Variants in OLFML2A observed in about 807,000 individuals in gnomAD.
OLFML2A encodes the protein olfactomedin-like protein 2A.
Under a neutral mutation model 60.9 loss-of-function variants are expected in OLFML2A, and 47 were observed. The observed-to-expected ratio is 0.77, with a 90% CI of 0.61 to 0.98. The LOEUF is 0.98. Ranked by LOEUF, OLFML2A falls within the 50% of genes least tolerant of loss-of-function variation. The pLI is 0.00. For synonymous variants in OLFML2A, 372 were observed against 375.0 expected, an observed-to-expected ratio of 0.99 and a Z score of 0.09; for missense variants, 922 against 879.8, an observed-to-expected ratio of 1.05 and a Z score of -0.61.
Position 124,804,183 on chromosome 9 carries a change from C to T in OLFML2A, c.1009C>T (p.Gln337Ter). 1 of 1,614,186 alleles carries T rather than the reference C, an allele frequency of 6.2e-7. No homozygotes were observed. Residue 337 changes from glutamine (Q) to a stop codon, truncating the protein, a stop_gained, in exon 6 of 8, where the codon CAG (glutamine) becomes TAG (stop). Coordinates refer to ENST00000373580, the MANE Select transcript of OLFML2A (RefSeq NM_182487.4). LOFTEE classifies it high-confidence loss of function. ...CTCCGCAGAGCCCAACTCCGCAGAG[C>T]AGGATGAGGCTGAGCCCAGGTCCTC... Reference protein sequence around the residue: ...SNSAEPNSAEQDEAEPRSSER... With the variant: ...SNSAEPNSAE
intron 1 of OLFML2A, among the ~76,000 whole-genome samples, chr9:124,778,449 C>T (rs1841299785): frequency 6.6e-6 from 1 of 151,694 alleles, no homozygotes; most frequent in African/African-American, 2.4e-5. Context: ...TTCAGTGGCT[C>T]ACACCTGTAA....
chr9:124,804,347 G>A lies in OLFML2A; in HGVS notation c.1168+5G>A. On this transcript the variant is annotated splice_donor_5th_base_variant and intron_variant, in intron 6 of 7. Coordinates refer to ENST00000373580, the MANE Select transcript of OLFML2A (RefSeq NM_182487.4). ...GTCCAGAAGTCTCCAGCCAAGGTGA[G>A]TGAGCCTCACAGGAGTCAGCACACT... is the stretch of plus-strand genomic sequence containing the variant. 6.5e-7 allele frequency: 1 copy of A among 1,539,480 alleles called. No individual in the cohort carries two copies. Among genetic ancestry groups the A allele is most frequent in the Non-Finnish European group, 8.8e-7 (1 of 1,142,100 alleles).
At chr9:124,787,652 G>A (rs948308485) in intron 2 of OLFML2A, among the ~76,000 whole-genome samples, 13 of 151,498 alleles carry the variant, frequency 8.6e-5, no homozygotes, top group Admixed American at 1.3e-4. Context: ...CTCCGTCCCC[G>A]GGTTCAAGCG....
At chr9:124,783,598 G>A (rs1841402087) in intron 1 of OLFML2A, among the ~76,000 whole-genome samples, 1 of 152,214 alleles carries the variant, frequency 6.6e-6, no homozygotes, top group Non-Finnish European at 1.5e-5. Flanking sequence ...CCATGTTACA[G>A]ATGAAACAGA....
At chr9:124,793,120 G>T (rs547254955) in intron 2 of OLFML2A, among the ~76,000 whole-genome samples, 20 of 152,366 alleles carry the variant, frequency 1.3e-4, no homozygotes, top group African/African-American at 4.8e-4. Flanking sequence ...CCAGGACCAG[G>T]CAGGAGCACT....
chr9:124,787,522 TTTTTATTTTATTTTATTTTA>T (rs201285189), intron 2 of OLFML2A, among the ~76,000 whole-genome samples: 5 of 137,822 alleles, frequency 3.6e-5, no homozygotes, highest in South Asian at 2.4e-4. Flanking sequence ...CAGTGGGTTG[TTTTTATTTTATTTTATTTTA>T]TTTTATTTTA....
chr9:124,793,904 T>A (rs1174421920), intron 2 of OLFML2A, among the ~76,000 whole-genome samples: 1 of 152,090 alleles, frequency 6.6e-6, no homozygotes, highest in Non-Finnish European at 1.5e-5. Flanking sequence ...CTAGGCAGGA[T>A]GGTGCACACC....
intron 3 of OLFML2A, among the ~76,000 whole-genome samples, chr9:124,797,612 C>A (rs898625467): frequency 6.6e-6 from 1 of 152,346 alleles, no homozygotes; most frequent in East Asian, 1.9e-4. Flanking sequence ...TTCTGTTGCT[C>A]CGCGGCTTCT....
chr9:124,783,134 C>G (rs1002066628), intron 1 of OLFML2A, among the ~76,000 whole-genome samples: 4 of 151,940 alleles, frequency 2.6e-5, no homozygotes, highest in East Asian at 1.9e-4. Flanking sequence ...CTCCTCCCCA[C>G]GCTCCCTGCC....
chr9:124,809,758 G>T, intron 7 of OLFML2A, 50 bp from the exon 8 acceptor site: 1 of 1,547,388 alleles, frequency 6.5e-7, no homozygotes, highest in South Asian at 1.3e-5. Context: ...GGATGTGGGT[G>T]GGCTGGGGTT....
chr9:124,810,250 C>G lies in OLFML2A; in HGVS notation c.1797C>G (p.Ala599=). 6.2e-7 allele frequency: 1 copy of G among 1,612,798 alleles called. No homozygotes were observed. ...ACAACCAGCAGGAAGGCCAGGTCGC[C>G]TACGCTTTCGACACGCACACGGGCA... ...DTYNQQEGQV[A]YAFDTHTGTD... Residue 599 remains alanine, a synonymous_variant, in exon 8 of 8, where the codon GCC becomes GCG. Transcript: ENST00000373580.
intron 5 of OLFML2A, 32 bp downstream of exon 5, chr9:124,801,695 G>A (rs1191408951): frequency 6.2e-7 from 1 of 1,603,110 alleles, no homozygotes. Context: ...ACCCTGGGGA[G>A]TCAGGGATGG....
At position 124,787,251 on chromosome 9, in the gene OLFML2A, G is replaced by C; in HGVS notation, c.354+13G>C. ...CGAGCTCCTCAAGGTAGACTTGGTG[G>C]GGTGATGGAGGGAGTAAGGGCCTAT... On this transcript the variant is annotated intron_variant, in intron 2 of 7. Transcript: ENST00000373580. 1 of 1,611,160 alleles carries C rather than the reference G, an allele frequency of 6.2e-7. No homozygotes were observed. The highest frequency in any genetic ancestry group is 1.3e-5 in the African/African-American group (1 of 74,966).
chr9:124,792,906 C>G (rs1163817503), intron 2 of OLFML2A, among the ~76,000 whole-genome samples: 3 of 136,046 alleles, frequency 2.2e-5, no homozygotes, highest in Admixed American at 8.0e-5. Context: ...TCCAGAGCCC[C>G]AGGGGTCCCA....
intron 3 of OLFML2A, 25 bp from the exon 4 acceptor site, chr9:124,799,260 A>T (rs764564687): frequency 6.5e-7 from 1 of 1,530,036 alleles, no homozygotes; most frequent in South Asian, 1.1e-5. Context: ...CCCAGGAAAG[A>T]CCTCCAATCC....
In OLFML2A at chr9:124,814,230, G is replaced by A; in HGVS notation, c.*3818G>A. 1 of 152,280 alleles carries A rather than the reference G, an allele frequency of 6.6e-6. No homozygotes were observed. The highest frequency in any genetic ancestry group is 1.9e-4 in the East Asian group (1 of 5,196). The allele number at this position is 152,280 out of a possible 1,614,324, so 9.4% of individuals were successfully genotyped here. ...GTGTTCCAAAGCGTCTTTAACTCTGGGATAGCATTGGAAGCCGCTGTCATG... is the reference window on the plus strand; with the variant it reads ...GTGTTCCAAAGCGTCTTTAACTCTGAGATAGCATTGGAAGCCGCTGTCATG... On this transcript the variant is annotated 3_prime_UTR_variant, in exon 8 of 8. Transcript: ENST00000373580.
Position 124,807,832 on chromosome 9 carries a change from G to A in OLFML2A, c.1220G>A (p.Arg407Lys). The change falls in exon 7 of 8, where the codon AGG (arginine) becomes AAG (lysine). Residue 407 changes from arginine to lysine, a missense_variant. By Grantham distance (26) the Arg-to-Lys change is conservative (BLOSUM62 2). Coordinates refer to ENST00000373580, the MANE Select transcript of OLFML2A (RefSeq NM_182487.4). ...CTCCGGGCTGTGGACCCCCCTGTGA[G>A]GCACCACAGCTATGGGCGCCACGAG... is the stretch of plus-strand genomic sequence containing the variant. Reference protein sequence around the residue: ...GTLRAVDPPVRHHSYGRHEGA... With the variant: ...GTLRAVDPPVKHHSYGRHEGA... 1 of 1,614,044 alleles carries A rather than the reference G, an allele frequency of 6.2e-7. No homozygotes were observed. The highest frequency in any genetic ancestry group is 2.2e-5 in the East Asian group (1 of 44,876).
chr9:124,792,519 G>A (rs1299949272), intron 2 of OLFML2A, among the ~76,000 whole-genome samples: 1 of 152,212 alleles, frequency 6.6e-6, no homozygotes, highest in African/African-American at 2.4e-5. Context: ...TCTCCTCAGT[G>A]CCTGGCTGAG....
chr9:124,786,849 C>T (rs1841483449), intron 1 of OLFML2A, 126 bp from the exon 2 acceptor site: 1 of 880,068 alleles, frequency 1.1e-6, no homozygotes, highest in Non-Finnish European at 1.8e-6. Flanking sequence ...TGCACCCCCT[C>T]CTACCTGCCA....
Sources: gnomAD v4.1 joint callset for allele counts (sites outside exome capture counted in the v4.1 genomes callset) on GRCh38, gnomAD v4.1.1 for gene constraint, MANE v1.5 for transcripts, NCBI Gene and HGNC (gene_info 2026-07-23, HGNC 2026-07-21) for gene names.